The following SLC38A1 variants were observed in gnomAD, a reference collection of about 807,000 sequenced individuals.
SLC38A1 encodes the protein solute carrier family 38 member 1.
SLC38A1 carries 18 observed loss-of-function variants against 60.3 expected under a neutral mutation model. That is an observed-to-expected ratio of 0.30 (90% CI 0.21 to 0.44). SLC38A1 has a LOEUF of 0.44. SLC38A1 is among the 20% of genes least tolerant of loss of function. The pLI is 1.00. For missense variants in SLC38A1, 448 were observed against 587.2 expected, an observed-to-expected ratio of 0.76 and a Z score of 2.45; for synonymous variants, 196 against 212.1, an observed-to-expected ratio of 0.92 and a Z score of 0.66.
At chr12:46,197,866 T>A (rs1217266401) in intron 15 of SLC38A1, 49 bp from the exon 16 acceptor site, 3 of 1,604,758 alleles carry the variant, frequency 1.9e-6, no homozygotes, top group Non-Finnish European at 2.6e-6. Flanking sequence ...TTGTGAAAAT[T>A]TCCCTGCAAA....
intron 16 of SLC38A1, among the ~76,000 whole-genome samples, chr12:46,194,320 C>A (rs1939272991): frequency 6.6e-6 from 1 of 152,200 alleles, no homozygotes; most frequent in Non-Finnish European, 1.5e-5. Flanking sequence ...GTCTGACAGG[C>A]TTCCTTTTGT....
At chr12:46,225,319 C>G (rs1387964533) in intron 5 of SLC38A1, among the ~76,000 whole-genome samples, 1 of 152,176 alleles carries the variant, frequency 6.6e-6, no homozygotes, top group African/African-American at 2.4e-5. Context: ...AGGTCCTACT[C>G]CATAAAGCTG....
chr12:46,185,558 T>G lies in SLC38A1; in HGVS notation c.*3412A>C, dbSNP rs1310640574. On this transcript the variant is annotated 3_prime_UTR_variant, in exon 17 of 17. Transcript: ENST00000398637. ...ACACAGTTACTAGCACTAAAAACAT[T>G]AAAAGTGCTGCGCGCTGGCCTCAAT... The G allele has an allele frequency of 6.6e-6, 1 of 152,128 alleles. No homozygotes were observed. The highest frequency in any genetic ancestry group is 1.9e-4 in the East Asian group (1 of 5,184). 9.4% of individuals were successfully genotyped at this position (152,128 alleles called of 1,614,324 possible).
In SLC38A1 at chr12:46,207,157, A is replaced by C; in HGVS notation, c.561T>G (p.Phe187Leu). ...IKFLMGKEET[F>L]SAWYVDGRVL... ...TAAAAAAATGGTCTATAACTTACGAAAATGTCTCTTCCTTTCCCATTAGAA... is the reference window on the plus strand; with the variant it reads ...TAAAAAAATGGTCTATAACTTACGACAATGTCTCTTCCTTTCCCATTAGAA... The change falls in exon 8 of 17, where the codon TTT (phenylalanine) becomes TTG (leucine). Residue 187 changes from phenylalanine to leucine, a missense_variant and splice_region_variant. By Grantham distance (22) the Phe-to-Leu change is conservative. Coordinates refer to ENST00000398637, the MANE Select transcript of SLC38A1 (RefSeq NM_030674.4). 1 of 1,603,230 alleles carries C rather than the reference A, an allele frequency of 6.2e-7. No individual in the cohort carries two copies. The highest frequency in any genetic ancestry group is 2.2e-5 in the East Asian group (1 of 44,744).
chr12:46,250,134 C>A (rs1333307726), intron 1 of SLC38A1, among the ~76,000 whole-genome samples: 1 of 152,190 alleles, frequency 6.6e-6, no homozygotes, highest in Non-Finnish European at 1.5e-5. Flanking sequence ...AAAGCCTTAT[C>A]CACCACAATC....
At chr12:46,207,478 A>G in intron 7 of SLC38A1, 51 bp downstream of exon 7, 1 of 1,503,116 alleles carries the variant, frequency 6.7e-7, no homozygotes, top group African/African-American at 1.4e-5. Context: ...GTGGCCGCTC[A>G]TCCACCAGAA....
At position 46,204,289 on chromosome 12, in the gene SLC38A1, C is replaced by T. The variant is rs763809019; in HGVS notation, c.822+12G>A. Reference sequence around the variant, plus strand: ...AATGCTTGTTTCATCTGCAAAGGATCAGGAAACTTACCTTTGAATTGAAGG... The same window carrying T: ...AATGCTTGTTTCATCTGCAAAGGATTAGGAAACTTACCTTTGAATTGAAGG... On this transcript the variant is annotated intron_variant, in intron 11 of 16. Transcript: ENST00000398637. 10 of 1,511,858 alleles carry T rather than the reference C, an allele frequency of 6.6e-6. No individual in the cohort carries two copies. Among genetic ancestry groups the T allele is most frequent in the African/African-American group, 1.4e-5 (1 of 72,794 alleles). The allele number at this position is 1,511,858 out of a possible 1,614,324, so 93.7% of individuals were successfully genotyped here.
intron 1 of SLC38A1, among the ~76,000 whole-genome samples, chr12:46,244,154 G>A (rs1405156200): frequency 6.6e-6 from 1 of 152,206 alleles, no homozygotes; most frequent in Non-Finnish European, 1.5e-5. Flanking sequence ...ATGAAGGAGG[G>A]AAGGAAGCAA....
chr12:46,252,267 T>A (rs1361605334), intron 1 of SLC38A1, among the ~76,000 whole-genome samples: 1 of 152,036 alleles, frequency 6.6e-6, no homozygotes, highest in East Asian at 1.9e-4. Flanking sequence ...ATGTTCTCAC[T>A]CATAGGTGGC....
At chr12:46,247,933 C>T (rs575696087) in intron 1 of SLC38A1, among the ~76,000 whole-genome samples, 1 of 152,288 alleles carries the variant, frequency 6.6e-6, no homozygotes, top group South Asian at 2.1e-4. Context: ...TCCAGCGAAA[C>T]TAAGCTTCAT....
At position 46,196,046 on chromosome 12, in the gene SLC38A1, G is replaced by A. The variant is rs539808755; in HGVS notation, c.1362+1674C>T. On this transcript the variant is annotated intron_variant, in intron 16 of 16. Transcript: ENST00000398637. ...CCATCTTCTACATCGATCTTGCTGGGAGCTGCAGACCAGAGCTGTTCCTAT... is the reference window on the plus strand; with the variant it reads ...CCATCTTCTACATCGATCTTGCTGGAAGCTGCAGACCAGAGCTGTTCCTAT... 123 of 1,118,376 alleles carry A rather than the reference G, an allele frequency of 1.1e-4. 4 individuals are homozygous for A. The South Asian group carries it at 1.6e-3, about 15-fold the overall frequency. The allele number at this position is 1,118,376 out of a possible 1,614,324, so 69.3% of individuals were successfully genotyped here.
At position 46,184,485 on chromosome 12, in the gene SLC38A1, G is replaced by A. The variant is rs1206619798; in HGVS notation, c.*4485C>T. The A allele has an allele frequency of 1.3e-5, 2 of 152,164 alleles. No homozygotes were observed. The highest frequency in any genetic ancestry group is 4.8e-5 in the African/African-American group (2 of 41,420). 9.4% of individuals were successfully genotyped at this position (152,164 alleles called of 1,614,324 possible). A position where few individuals can be genotyped will look rare whatever the true frequency, so the allele number is the denominator to read the frequency against. ...AGCCATTTAAATTGATAAACTGAGAGAGACTAATAGATTTTGCTCTAAGGT... is the reference window on the plus strand; with the variant it reads ...AGCCATTTAAATTGATAAACTGAGAAAGACTAATAGATTTTGCTCTAAGGT... On this transcript the variant is annotated 3_prime_UTR_variant, in exon 17 of 17. Coordinates refer to ENST00000398637, the MANE Select transcript of SLC38A1 (RefSeq NM_030674.4).
chr12:46,198,189 T>C (rs1272155792), intron 14 of SLC38A1, 129 bp from the exon 15 acceptor site: 8 of 988,626 alleles, frequency 8.1e-6, no homozygotes, highest in Non-Finnish European at 1.2e-5. Context: ...AGTGAATTTA[T>C]AGATAGCTTA....
At chr12:46,234,446 C>CT (rs397791217) in intron 3 of SLC38A1, among the ~76,000 whole-genome samples, 22,953 of 140,286 alleles carry the variant, frequency 0.16, 2,763 homozygotes, top group East Asian at 0.34. Flanking sequence ...TTCTTTCTTT[C>CT]TTTTTTTTTT....
At chr12:46,248,966 C>T (rs1329541599) in intron 1 of SLC38A1, among the ~76,000 whole-genome samples, 1 of 151,962 alleles carries the variant, frequency 6.6e-6, no homozygotes, top group Non-Finnish European at 1.5e-5. Flanking sequence ...ACCATCCTGG[C>T]TAACACATTG....
chr12:46,210,222 A>G (rs1940096705), intron 5 of SLC38A1, among the ~76,000 whole-genome samples: 1 of 152,174 alleles, frequency 6.6e-6, no homozygotes, highest in South Asian at 2.1e-4. Flanking sequence ...AGGCAGAATG[A>G]CTGCTCCTCA....
At chr12:46,199,413 C>T (rs2137012339) in intron 13 of SLC38A1, among the ~76,000 whole-genome samples, 1 of 150,312 alleles carries the variant, frequency 6.7e-6, no homozygotes, top group East Asian at 2.0e-4. Flanking sequence ...GCCATAGTGC[C>T]ATTTTGGCTC....
chr12:46,205,330 T>A (rs1387732115), intron 9 of SLC38A1, among the ~76,000 whole-genome samples: 1 of 152,102 alleles, frequency 6.6e-6, no homozygotes, highest in Non-Finnish European at 1.5e-5. Flanking sequence ...ACAGAACAAC[T>A]ACAGAGCTGT....
chr12:46,216,394 G>T (rs1255551436), intron 5 of SLC38A1, among the ~76,000 whole-genome samples: 1 of 152,168 alleles, frequency 6.6e-6, no homozygotes, highest in East Asian at 1.9e-4. Flanking sequence ...GGTTTTCCAG[G>T]CAAGTGTGAC....
Sources: gnomAD v4.1 joint callset for allele counts (sites outside exome capture counted in the v4.1 genomes callset) on GRCh38, gnomAD v4.1.1 for gene constraint, MANE v1.5 for transcripts, NCBI Gene and HGNC (gene_info 2026-07-23, HGNC 2026-07-21) for gene names.